MASTL: variants seen among roughly 807,000 people sequenced by gnomAD.
The protein encoded by MASTL is serine/threonine-protein kinase greatwall.
Under a neutral mutation model 82.5 loss-of-function variants are expected in MASTL, and 54 were observed. The observed-to-expected ratio is 0.65, with a 90% CI of 0.53 to 0.82. MASTL has a LOEUF of 0.82. Ranked by LOEUF, MASTL falls within the 40% of genes least tolerant of loss-of-function variation. The pLI is 0.00. For synonymous variants in MASTL, 323 were observed against 368.9 expected (o/e 0.88, Z 1.43); for missense variants, 950 against 1,047.8 (o/e 0.91, Z 1.29).
chr10:27,181,252 A>G (rs1048421359), intron 10 of MASTL, among the ~76,000 whole-genome samples, 186 bp downstream of exon 10: 3 of 152,092 alleles, frequency 2.0e-5, no homozygotes, highest in Non-Finnish European at 4.4e-5. Context: ...TTAGCCAGGC[A>G]TGTTGACGGG....
In MASTL at chr10:27,173,097, C is replaced by T. The variant is rs188085219; in HGVS notation, c.2125-21C>T. The stretch of plus-strand genomic sequence containing the variant: ...AAAGGAATTAAGATATTTGTTATCT[C>T]TTAAACCCTTTTTGAATTAGCAGAC... On this transcript the variant is annotated intron_variant, in intron 8 of 11. Transcript: ENST00000375940. The T allele has an allele frequency of 2.0e-4, 322 of 1,613,960 alleles. 1 individual carries two copies. In the East Asian group the frequency reaches 4.4e-3, roughly 22 times the overall value.
Position 27,170,930 on chromosome 10 carries a change from T to G in MASTL, c.1971T>G (p.Ser657Arg). The G allele has an allele frequency of 6.2e-7, 1 of 1,614,138 alleles. No individual in the cohort carries two copies. Among genetic ancestry groups the G allele is most frequent in the Non-Finnish European group, 8.5e-7 (1 of 1,180,020 alleles). The change falls in exon 8 of 12, where the codon AGT becomes AGG. Residue 657 changes from serine (S) to arginine (R), a missense_variant. Physicochemically the swap from Ser to Arg is moderately radical, Grantham distance 110. Transcript: ENST00000375940. ...ASKRNAVAFR[S>R]FNSHINASNN... Reference sequence around the variant, plus strand: ...AAAGAAATGCTGTTGCTTTTCGAAGTTTTAACAGTCATATTAATGCATCCA... The same window carrying G: ...AAAGAAATGCTGTTGCTTTTCGAAGGTTTAACAGTCATATTAATGCATCCA...
In MASTL at chr10:27,170,985, A is replaced by T. The variant is rs775581956; in HGVS notation, c.2026A>T (p.Thr676Ser). Reference sequence around the variant, plus strand: ...CTCAGAACCATCCAGAATGAACATGACTTCTTTAGATGCAATGGATATTTC... The same window carrying T: ...CTCAGAACCATCCAGAATGAACATGTCTTCTTTAGATGCAATGGATATTTC... The part of the protein sequence containing the change: ...NNSEPSRMNM[T>S]SLDAMDISCA... Residue 676 changes from threonine to serine, a missense_variant, in exon 8 of 12, where the codon ACT becomes TCT. Coordinates refer to ENST00000375940, the MANE Select transcript of MASTL (RefSeq NM_001172303.3). The T allele has an allele frequency of 6.2e-7, 1 of 1,614,008 alleles. No homozygotes were observed. The highest frequency in any genetic ancestry group is 2.2e-5 in the East Asian group (1 of 44,864).
Position 27,171,018 on chromosome 10 carries a change from T to TA in MASTL, c.2060dup (p.Tyr687Ter), listed in dbSNP as rs1231096646. The change falls in exon 8 of 12, where the codon TAC becomes TAAC. Residue 687 changes from tyrosine (Y) to a stop codon, truncating the protein, a stop_gained and frameshift_variant. Coordinates refer to ENST00000375940, the MANE Select transcript of MASTL (RefSeq NM_001172303.3). LOFTEE classifies it high-confidence loss of function. ...AGATGCAATGGATATTTCGTGTGCCTACAGTGGTTCATATCCCATGGCTAT... is the reference window on the plus strand; with the variant it reads ...AGATGCAATGGATATTTCGTGTGCCTAACAGTGGTTCATATCCCATGGCTAT... Reference protein sequence around the residue: ...SLDAMDISCAYSGSYPMAITP... With the variant: ...SLDAMDISCA 2 of 1,614,008 alleles carry TA rather than the reference T, an allele frequency of 1.2e-6. No homozygotes were observed. The highest frequency in any genetic ancestry group is 8.5e-7 in the Non-Finnish European group (1 of 1,179,986).
intron 11 of MASTL, among the ~76,000 whole-genome samples, chr10:27,182,572 T>G (rs1387833789): frequency 6.6e-6 from 1 of 152,028 alleles, no homozygotes; most frequent in African/African-American, 2.4e-5. Flanking sequence ...ATGGTGAAAC[T>G]GTCTCTACAA....
rs7900024 is a variant in MASTL at position 27,155,834 on chromosome 10, C to A, written c.186+222C>A. Among the ~76,000 whole-genome samples the A allele has an allele frequency of 0.6, 91,133 of 151,870 alleles. 27,660 individuals carry two copies. The highest frequency in any genetic ancestry group is 0.65 in the Non-Finnish European group (44,065 of 67,928). On this transcript the variant is annotated intron_variant, in intron 1 of 11. Coordinates refer to ENST00000375940, the MANE Select transcript of MASTL (RefSeq NM_001172303.3). ...GCCCTTCCCTCCATATCTCAGATGC[C>A]CAGTGAGAACAGCAAAGTTTGACTC...
intron 5 of MASTL, 99 bp downstream of exon 5, chr10:27,165,269 A>G (rs1212281844): frequency 7.2e-7 from 1 of 1,390,502 alleles, no homozygotes; most frequent in African/African-American, 1.4e-5. Context: ...ATAGATTTAA[A>G]TATCAAGCAT....
At chr10:27,177,548 T>C (rs1321961310) in intron 9 of MASTL, among the ~76,000 whole-genome samples, 1 of 152,210 alleles carries the variant, frequency 6.6e-6, no homozygotes, top group Admixed American at 6.5e-5. Flanking sequence ...TCAGCCGAGA[T>C]GAGCCAGGGA....
At position 27,181,496 on chromosome 10, in the gene MASTL, A is replaced by G; in HGVS notation, c.2397A>G (p.Glu799=). 1 of 1,610,780 alleles carries G rather than the reference A, an allele frequency of 6.2e-7. No homozygotes were observed. Residue 799 remains glutamate (E), a synonymous_variant, in exon 11 of 12, where the codon GAA becomes GAG. Coordinates refer to ENST00000375940, the MANE Select transcript of MASTL (RefSeq NM_001172303.3). ...NILKRDIPWP[E]GEEKLSDNAQ... is the part of the protein sequence containing the mutation. Reference sequence around the variant, plus strand: ...TAATTTTAGATATCCCTTGGCCAGAAGGTGAAGAAAAGTTATCTGATAATG... The same window carrying G: ...TAATTTTAGATATCCCTTGGCCAGAGGGTGAAGAAAAGTTATCTGATAATG...
At position 27,165,685 on chromosome 10, in the gene MASTL, G is replaced by A. The variant is rs963861578; in HGVS notation, c.811+146G>A. 54 of 889,222 alleles carry A rather than the reference G, an allele frequency of 6.1e-5. 1 individual carries two copies. Among genetic ancestry groups the A allele is most frequent in the African/African-American group, 1.7e-4 (10 of 59,860 alleles). The allele number at this position is 889,222 out of a possible 1,614,324, so 55.1% of individuals were successfully genotyped here. On this transcript the variant is annotated intron_variant, in intron 6 of 11. Transcript: ENST00000375940. Reference sequence around the variant, plus strand: ...TGGAGTGCAATGGCGCGATCTCGGCGGCTCACTGCAACCCAGGAGTTCAAG... The same window carrying A: ...TGGAGTGCAATGGCGCGATCTCGGCAGCTCACTGCAACCCAGGAGTTCAAG...
At chr10:27,176,849 C>CTTTTTTTTTTT (rs11334357) in intron 9 of MASTL, among the ~76,000 whole-genome samples, 1 of 124,830 alleles carries the variant, frequency 8.0e-6, no homozygotes, top group African/African-American at 3.1e-5. Flanking sequence ...TTTCTTTTTT[C>CTTTTTTTTTTT]TTTTTTTTTT....
chr10:27,177,107 A>G (rs1185874261), intron 9 of MASTL, among the ~76,000 whole-genome samples: 14 of 152,048 alleles, frequency 9.2e-5, no homozygotes, highest in Admixed American at 9.2e-4. Context: ...TCAGCCTCCC[A>G]AAGTGCTGGG....
chr10:27,183,028 C>T (rs181483453), intron 11 of MASTL, among the ~76,000 whole-genome samples: 93 of 151,946 alleles, frequency 6.1e-4, no homozygotes, highest in African/African-American at 2.0e-3. Flanking sequence ...TTTATGAAAC[C>T]CTCTGTTCTG....
At chr10:27,172,465 A>C in intron 8 of MASTL, among the ~76,000 whole-genome samples, 1 of 152,006 alleles carries the variant, frequency 6.6e-6, no homozygotes. Context: ...GACCAGCCTG[A>C]CCAACATGGA....
At chr10:27,162,891 T>A (rs1382602140) in intron 4 of MASTL, among the ~76,000 whole-genome samples, 1 of 152,094 alleles carries the variant, frequency 6.6e-6, no homozygotes, top group Non-Finnish European at 1.5e-5. Context: ...TGATCTATGC[T>A]GATGTAGGGG....
chr10:27,177,301 A>AT (rs2058132663), intron 9 of MASTL, among the ~76,000 whole-genome samples: 1 of 152,152 alleles, frequency 6.6e-6, no homozygotes, highest in South Asian at 2.1e-4. Context: ...ATGAGCACTG[A>AT]TTTTTATATA....
chr10:27,158,804 T>C, intron 2 of MASTL, 118 bp downstream of exon 2: 1 of 1,096,342 alleles, frequency 9.1e-7, no homozygotes, highest in Non-Finnish European at 1.4e-6. Flanking sequence ...CTGCACTCAC[T>C]GCCTTGGCAA....
intron 3 of MASTL, among the ~76,000 whole-genome samples, chr10:27,160,359 G>A (rs2057529397): frequency 6.6e-6 from 1 of 151,664 alleles, no homozygotes; most frequent in Admixed American, 6.6e-5. Context: ...ATACAAAAGT[G>A]GTATATTTTG....
At chr10:27,175,236 G>A (rs1050947995) in intron 9 of MASTL, among the ~76,000 whole-genome samples, 12 of 151,974 alleles carry the variant, frequency 7.9e-5, no homozygotes, top group African/African-American at 2.7e-4. Flanking sequence ...AGGCTGGAGT[G>A]CAGTGGCACG....
Sources: gnomAD v4.1 joint callset for allele counts (sites outside exome capture counted in the v4.1 genomes callset) on GRCh38, gnomAD v4.1.1 for gene constraint, MANE v1.5 for transcripts, NCBI Gene and HGNC (gene_info 2026-07-23, HGNC 2026-07-21) for gene names.